Variants in NTSR1 observed in about 807,000 individuals in gnomAD.
NTSR1 encodes neurotensin receptor 1.
A neutral mutation model predicts 31.2 loss-of-function variants in NTSR1; 29 were observed. That is an observed-to-expected ratio of 0.93 (90% confidence interval 0.69 to 1.27). The LOEUF (loss-of-function observed/expected upper bound fraction) is 1.27, where lower values mean the gene tolerates loss of function less well. Ranked by LOEUF, NTSR1 falls within the 50% of genes most tolerant of loss-of-function variation. The pLI is 0.00. For synonymous variants in NTSR1, 282 were observed against 269.9 expected, an observed-to-expected ratio of 1.04 and a Z score of -0.44; for missense variants, 697 against 595.4, an observed-to-expected ratio of 1.17 and a Z score of -1.78.
chr20:62,715,340 C>T lies in NTSR1; in HGVS notation c.714+5419C>T, dbSNP rs1016782566. Among the ~76,000 whole-genome samples, 2 of 152,252 alleles carry T rather than the reference C, an allele frequency of 1.3e-5. No individual in the cohort carries two copies. The highest frequency in any genetic ancestry group is 2.1e-4 in the South Asian group (1 of 4,820). On this transcript the variant is annotated intron_variant, in intron 1 of 3. Coordinates refer to ENST00000370501, the MANE Select transcript of NTSR1 (RefSeq NM_002531.3). This position sits in a 1 kb window ranked among gnomAD's most constrained non-coding sequence, Gnocchi z 4.7. ...GACATGCGGGTCCACCTCTGTACCC[C>T]GTAACCCCGTTTCCCAGATGAAGCA...
At chr20:62,749,921 C>T (rs527390771) in intron 1 of NTSR1, among the ~76,000 whole-genome samples, 1 of 152,120 alleles carries the variant, frequency 6.6e-6, no homozygotes, top group Non-Finnish European at 1.5e-5. Context: ...GCAGAACCAC[C>T]GTAGGATCCA....
At chr20:62,759,819 C>T (rs1452352737) in intron 3 of NTSR1, among the ~76,000 whole-genome samples, 199 bp from the exon 4 acceptor site, 1 of 151,670 alleles carries the variant, frequency 6.6e-6, no homozygotes, top group African/African-American at 2.4e-5. Context: ...GGCGGGAGCA[C>T]GACGAGAACT....
At chr20:62,730,213 G>A (rs1447340522) in intron 1 of NTSR1, among the ~76,000 whole-genome samples, 3 of 152,118 alleles carry the variant, frequency 2.0e-5, no homozygotes, top group African/African-American at 7.2e-5. Flanking sequence ...TCCTGCAGAA[G>A]AGTTTCATTG....
At chr20:62,734,184 T>C (rs1040179538) in intron 1 of NTSR1, among the ~76,000 whole-genome samples, 4 of 152,006 alleles carry the variant, frequency 2.6e-5, no homozygotes, top group African/African-American at 7.2e-5. Context: ...CTGAGTTCAC[T>C]CTTCAGCCCT....
At chr20:62,739,704 C>T (rs567266037) in intron 1 of NTSR1, among the ~76,000 whole-genome samples, 16 of 152,238 alleles carry the variant, frequency 1.1e-4, no homozygotes, top group African/African-American at 3.4e-4. Context: ...CTGTGGGACA[C>T]GGCGGCCAGC....
intron 1 of NTSR1, among the ~76,000 whole-genome samples, chr20:62,752,222 C>T (rs1018801512): frequency 3.3e-5 from 5 of 152,204 alleles, no homozygotes; most frequent in East Asian, 1.9e-4. Flanking sequence ...CCAGCAGCAT[C>T]GCAGGCTTTC....
At position 62,715,479 on chromosome 20, in the gene NTSR1, C is replaced by G. The variant is rs1988697718; in HGVS notation, c.714+5558C>G. 6.6e-6 allele frequency among the ~76,000 whole-genome samples: 1 copy of G among 152,208 alleles called. No individual in the cohort carries two copies. The highest frequency in any genetic ancestry group is 1.5e-5 in the Non-Finnish European group (1 of 68,034). ...TGGTGCTCCCCGTGGGGACAACGGT[C>G]AGGCTTTTGAGTGAGATGGGCAAGG... On this transcript the variant is annotated intron_variant, in intron 1 of 3. Coordinates refer to ENST00000370501, the MANE Select transcript of NTSR1 (RefSeq NM_002531.3). This position sits in a 1 kb window ranked among gnomAD's most constrained non-coding sequence, Gnocchi z 4.7.
At position 62,758,638 on chromosome 20, in the gene NTSR1, C is replaced by T. The variant is rs1348394220; in HGVS notation, c.1007+282C>T. Among the ~76,000 whole-genome samples, 1 of 152,116 alleles carries T rather than the reference C, an allele frequency of 6.6e-6. No individual in the cohort carries two copies. The highest frequency in any genetic ancestry group is 1.9e-4 in the East Asian group (1 of 5,176). ...TTCCCGAAGGTGAAAGAGAGACATC[C>T]CTGGCTCTGCTGGGGACATGGTGGG... is the stretch of plus-strand genomic sequence containing the variant. On this transcript the variant is annotated intron_variant, in intron 3 of 3. Coordinates refer to ENST00000370501, the MANE Select transcript of NTSR1 (RefSeq NM_002531.3). This position sits in a 1 kb window ranked among gnomAD's most constrained non-coding sequence, Gnocchi z 4.5.
At chr20:62,735,404 G>GCC (rs1037587691) in intron 1 of NTSR1, 1 of 152,180 alleles carries the variant, frequency 6.6e-6, no homozygotes, top group African/African-American at 2.4e-5. Context: ...GAAGGCAGGG[G>GCC]CCCCCCGGGG....
intron 1 of NTSR1, among the ~76,000 whole-genome samples, chr20:62,738,667 G>A (rs1989148335): frequency 6.6e-6 from 1 of 152,278 alleles, no homozygotes; most frequent in Non-Finnish European, 1.5e-5. Context: ...AGGGAGCCCT[G>A]TGCACTGCCT....
rs1317113117 is a variant in NTSR1 at position 62,716,482 on chromosome 20, T to C, written c.714+6561T>C. 4.7e-5 allele frequency among the ~76,000 whole-genome samples: 3 copies of C among 63,452 alleles called. No homozygotes were observed. The East Asian group carries it at 2.9e-3, about 62-fold the overall frequency. The allele number at this position is 63,452 out of a possible 152,430, so 41.6% of individuals were successfully genotyped here. A position where few individuals can be genotyped will look rare whatever the true frequency, so the allele number is the denominator to read the frequency against. On this transcript the variant is annotated intron_variant, in intron 1 of 3. Transcript: ENST00000370501. ...ACGGAAATGTTCTGTATCTTCGTTG[T>C]GGATCATAGCTCGTGGTTTCAGCGC... is the stretch of plus-strand genomic sequence containing the variant.
At chr20:62,734,132 C>G (rs1487444761) in intron 1 of NTSR1, among the ~76,000 whole-genome samples, 1 of 152,134 alleles carries the variant, frequency 6.6e-6, no homozygotes, top group African/African-American at 2.4e-5. Flanking sequence ...CGCCTTGTCC[C>G]CTGCGCAGCC....
intron 1 of NTSR1, among the ~76,000 whole-genome samples, chr20:62,712,162 T>C (rs1301324912): frequency 1.3e-5 from 2 of 152,192 alleles, no homozygotes; most frequent in Admixed American, 1.3e-4. Flanking sequence ...CCCTGACCCC[T>C]GCCCCGCCAT....
At chr20:62,718,991 A>G (rs1988783817) in intron 1 of NTSR1, among the ~76,000 whole-genome samples, 1 of 152,160 alleles carries the variant, frequency 6.6e-6, no homozygotes, top group African/African-American at 2.4e-5. Context: ...CACATGAAGC[A>G]GTGGTCACTC....
In NTSR1 at chr20:62,714,366, T is replaced by C. The variant is rs1306221399; in HGVS notation, c.714+4445T>C. Among the ~76,000 whole-genome samples, 2 of 152,224 alleles carry C rather than the reference T, an allele frequency of 1.3e-5. No homozygotes were observed. Among genetic ancestry groups the C allele is most frequent in the African/African-American group, 2.4e-5 (1 of 41,444 alleles). ...TTTCCTGCCTTTTCTATTCAAACGG[T>C]ACTTTAGAATAACCCAAGAGTAGAT... On this transcript the variant is annotated intron_variant, in intron 1 of 3. Coordinates refer to ENST00000370501, the MANE Select transcript of NTSR1 (RefSeq NM_002531.3). This position sits in a 1 kb window ranked among gnomAD's most constrained non-coding sequence, Gnocchi z 4.1.
At chr20:62,738,670 C>T (rs922845702) in intron 1 of NTSR1, among the ~76,000 whole-genome samples, 3 of 152,272 alleles carry the variant, frequency 2.0e-5, no homozygotes, top group Non-Finnish European at 4.4e-5. Context: ...GAGCCCTGTG[C>T]ACTGCCTCTC....
chr20:62,737,842 A>C (rs1298350101), intron 1 of NTSR1, among the ~76,000 whole-genome samples: 3 of 147,560 alleles, frequency 2.0e-5, no homozygotes, highest in African/African-American at 2.5e-5. Context: ...TGATGACCTG[A>C]CCCCTGCCCC....
At chr20:62,748,352 A>C (rs1189624548) in intron 1 of NTSR1, among the ~76,000 whole-genome samples, 2 of 152,286 alleles carry the variant, frequency 1.3e-5, no homozygotes, top group Admixed American at 1.3e-4. Context: ...TTTTCATACT[A>C]CCCAAAGTGA....
In NTSR1 at chr20:62,744,935, A is replaced by G. The variant is rs933122448; in HGVS notation, c.715-9750A>G. ...GCAAGGGGTAGCAGCTGAGGGGTGC[A>G]CACAGCAGAGGATACTGCCAGAAGC... On this transcript the variant is annotated intron_variant, in intron 1 of 3. Transcript: ENST00000370501. This position sits in a 1 kb window ranked among gnomAD's most constrained non-coding sequence, Gnocchi z 4.1. Among the ~76,000 whole-genome samples the G allele has an allele frequency of 6.6e-6, 1 of 152,214 alleles. No homozygotes were observed. Among genetic ancestry groups the G allele is most frequent in the African/African-American group, 2.4e-5 (1 of 41,444 alleles).
Sources: allele counts gnomAD v4.1 joint callset (sites outside exome capture counted in the v4.1 genomes callset), GRCh38; gene constraint gnomAD v4.1.1; non-coding constraint Gnocchi (gnomAD v3.1); transcripts MANE v1.5; gene names NCBI Gene and HGNC (gene_info 2026-07-23, HGNC 2026-07-21).